Variants in RIT2 observed in about 807,000 individuals in gnomAD.
The protein encoded by RIT2 is Ras like without CAAX 2, also known as GTP-binding protein Rit2.
A neutral mutation model predicts 23.7 loss-of-function variants in RIT2; 24 were observed. That is an observed-to-expected ratio of 1.01 (90% CI 0.73 to 1.43). The LOEUF is 1.43. Among genes scored for constraint, RIT2 ranks in the 40% most tolerant of loss-of-function variants. The probability of loss-of-function intolerance (pLI) is 0.00; values close to 1 mark genes in which losing one functional copy is unlikely to be tolerated. For missense variants in RIT2, 236 were observed against 266.9 expected (o/e 0.88, Z 0.81); for synonymous variants, 107 against 91.1 (o/e 1.17, Z -0.99).
intron 4 of RIT2, among the ~76,000 whole-genome samples, chr18:42,829,405 G>T (rs1906394510): frequency 6.6e-6 from 1 of 152,106 alleles, no homozygotes; most frequent in Non-Finnish European, 1.5e-5. Context: ...TTTACAAAAG[G>T]TTAAACTCTA....
intron 4 of RIT2, among the ~76,000 whole-genome samples, chr18:42,818,040 G>C (rs1320013457): frequency 1.3e-5 from 2 of 151,632 alleles, no homozygotes; most frequent in Non-Finnish European, 2.9e-5. Flanking sequence ...ATATTTGTCA[G>C]GTTATTTTGA....
rs55751225 is a variant in RIT2 at position 43,105,100 on chromosome 18, C to CTCTGTGTGTG, written c.103+10316_103+10317insCACACACAGA. Among the ~76,000 whole-genome samples, 1,351 of 143,042 alleles carry CTCTGTGTGTG rather than the reference C, an allele frequency of 9.4e-3. 20 individuals are homozygous for CTCTGTGTGTG. Among genetic ancestry groups the CTCTGTGTGTG allele is most frequent in the Admixed American group, 0.024 (343 of 14,452 alleles). 93.8% of individuals were successfully genotyped at this position (143,042 alleles called of 152,430 possible). On this transcript the variant is annotated intron_variant, in intron 1 of 4. Transcript: ENST00000326695. ...AGTCCTTTCTCTAACAGGCAGTGTG[C>CTCTGTGTGTG]TGTGTGTGTGTGTGTGTGTGTGTGT...
At chr18:43,063,958 A>C (rs1912712200) in intron 1 of RIT2, among the ~76,000 whole-genome samples, 2 of 152,180 alleles carry the variant, frequency 1.3e-5, no homozygotes, top group Non-Finnish European at 1.5e-5. Flanking sequence ...ACATGTTAAA[A>C]CTTCAATCAC....
intron 1 of RIT2, among the ~76,000 whole-genome samples, chr18:43,038,953 A>C (rs183232663): frequency 5.5e-4 from 84 of 152,186 alleles, no homozygotes; most frequent in Admixed American, 7.9e-4. Context: ...GGATCATAGA[A>C]GTAATTGTCA....
intron 4 of RIT2, among the ~76,000 whole-genome samples, chr18:42,773,457 T>C (rs1913597459): frequency 6.6e-6 from 1 of 152,160 alleles, no homozygotes; most frequent in Admixed American, 6.5e-5. Flanking sequence ...ATGGGTGTGG[T>C]CGACTAGGTT....
At chr18:42,991,855 G>C (rs1420201559) in intron 2 of RIT2, among the ~76,000 whole-genome samples, 3 of 150,852 alleles carry the variant, frequency 2.0e-5, no homozygotes, top group Non-Finnish European at 4.4e-5. Context: ...ATCTCCCTTC[G>C]CTGACTCTCT....
At chr18:42,835,387 T>C (rs1442229688) in intron 4 of RIT2, among the ~76,000 whole-genome samples, 1 of 152,076 alleles carries the variant, frequency 6.6e-6, no homozygotes, top group Non-Finnish European at 1.5e-5. Context: ...AAATTTATTG[T>C]AAAAAATATT....
chr18:43,112,385 CA>C (rs1913973317), intron 1 of RIT2, among the ~76,000 whole-genome samples: 1 of 152,174 alleles, frequency 6.6e-6, no homozygotes, highest in Non-Finnish European at 1.5e-5. Flanking sequence ...GCCTGCCATG[CA>C]ATGGGGGCTT....
At chr18:42,994,857 T>G (rs967519551) in intron 2 of RIT2, among the ~76,000 whole-genome samples, 1 of 152,130 alleles carries the variant, frequency 6.6e-6, no homozygotes. Flanking sequence ...CTGACACATA[T>G]ACTTTCTGCT....
chr18:42,796,281 C>T (rs901627099), intron 4 of RIT2, among the ~76,000 whole-genome samples: 5 of 152,124 alleles, frequency 3.3e-5, no homozygotes, highest in Non-Finnish European at 5.9e-5. Flanking sequence ...TAACACTCAC[C>T]GTGAAGGTCT....
intron 1 of RIT2, among the ~76,000 whole-genome samples, chr18:43,089,858 G>A (rs1913379099): frequency 2.0e-5 from 3 of 151,958 alleles, no homozygotes; most frequent in Admixed American, 2.0e-4. Context: ...GCTAAAAATT[G>A]GTCCCCTTCC....
chr18:42,810,677 A>C (rs1222099485), intron 4 of RIT2, among the ~76,000 whole-genome samples: 1 of 151,938 alleles, frequency 6.6e-6, no homozygotes, highest in Admixed American at 6.6e-5. Flanking sequence ...TATGACGTTA[A>C]ATTTCTTTAC....
At chr18:42,956,731 G>A (rs1290091000) in intron 3 of RIT2, among the ~76,000 whole-genome samples, 1 of 151,870 alleles carries the variant, frequency 6.6e-6, no homozygotes, top group Non-Finnish European at 1.5e-5. Flanking sequence ...TTGATACCTA[G>A]TAGAGAAATT....
intron 3 of RIT2, among the ~76,000 whole-genome samples, chr18:42,935,303 C>T (rs1909425723): frequency 6.6e-6 from 1 of 152,038 alleles, no homozygotes; most frequent in Non-Finnish European, 1.5e-5. Context: ...GAGTGGTGTG[C>T]GGCAGGGTTG....
chr18:42,953,709 C>A (rs576946404), intron 3 of RIT2, among the ~76,000 whole-genome samples: 1 of 152,272 alleles, frequency 6.6e-6, no homozygotes, highest in African/African-American at 2.4e-5. Context: ...TTGCTTTCCC[C>A]AGAAAAGTTC....
chr18:42,848,264 C>T (rs1906961194), intron 4 of RIT2, among the ~76,000 whole-genome samples: 1 of 152,182 alleles, frequency 6.6e-6, no homozygotes, highest in Non-Finnish European at 1.5e-5. Context: ...CAGAGCTGAA[C>T]TTCTTTTTAG....
intron 2 of RIT2, among the ~76,000 whole-genome samples, chr18:43,005,085 G>A (rs1209606863): frequency 6.6e-6 from 1 of 151,768 alleles, no homozygotes; most frequent in Non-Finnish European, 1.5e-5. Flanking sequence ...TGGAGATTAT[G>A]ACATATAATT....
At chr18:42,753,846 T>C (rs1393988194) in intron 4 of RIT2, among the ~76,000 whole-genome samples, 8 of 152,216 alleles carry the variant, frequency 5.3e-5, no homozygotes, top group Admixed American at 5.2e-4. Context: ...ATTTATTCAC[T>C]TATTTAATAC....
intron 1 of RIT2, among the ~76,000 whole-genome samples, chr18:43,093,768 G>A (rs1019736097): frequency 1.3e-5 from 2 of 152,016 alleles, no homozygotes; most frequent in African/African-American, 4.8e-5. Flanking sequence ...ACTGGTGAAG[G>A]TCGTGAAAAC....
Sources: gnomAD v4.1 joint callset for allele counts (sites outside exome capture counted in the v4.1 genomes callset) on GRCh38, gnomAD v4.1.1 for gene constraint, MANE v1.5 for transcripts, NCBI Gene and HGNC (gene_info 2026-07-23, HGNC 2026-07-21) for gene names.